Variants in SLC26A5 observed in about 807,000 individuals in gnomAD.
The protein encoded by SLC26A5 is solute carrier family 26 member 5.
In SLC26A5, 51 loss-of-function variants were observed where a neutral mutation model predicts 81.0. The observed-to-expected ratio is 0.63, with a 90% CI of 0.50 to 0.80. The LOEUF (loss-of-function observed/expected upper bound fraction) is 0.80, where lower values mean the gene tolerates loss of function less well. SLC26A5 is among the 30% of genes least tolerant of loss of function. SLC26A5 has a pLI of 0.00. For missense variants in SLC26A5, 771 were observed against 905.8 expected (o/e 0.85, Z 1.91); for synonymous variants, 325 against 332.8 (o/e 0.98, Z 0.25).
At chr7:103,356,823 T>C (rs112060525) in intron 19 of SLC26A5, among the ~76,000 whole-genome samples, 3 of 152,342 alleles carry the variant, frequency 2.0e-5, no homozygotes, top group African/African-American at 7.2e-5. Context: ...GTGTTAATGT[T>C]GCTTAGAAAA....
At chr7:103,444,545 TC>T (rs1359637428) in intron 1 of SLC26A5, among the ~76,000 whole-genome samples, 10 of 152,240 alleles carry the variant, frequency 6.6e-5, no homozygotes, top group African/African-American at 2.2e-4. Context: ...TCCTCAGTCT[TC>T]CATTCTTCTG....
chr7:103,407,979 C>T lies in SLC26A5; in HGVS notation c.760G>A (p.Val254Ile). 1 of 1,614,154 alleles carries T rather than the reference C, an allele frequency of 6.2e-7. No homozygotes were observed. Among genetic ancestry groups the T allele is most frequent in the Non-Finnish European group, 8.5e-7 (1 of 1,180,026 alleles). Residue 254 changes from valine (V) to isoleucine (I), a missense_variant, in exon 8 of 20, where the codon GTT becomes ATT. Physicochemically the swap from Val to Ile is conservative, Grantham distance 29. Coordinates refer to ENST00000306312, the MANE Select transcript of SLC26A5 (RefSeq NM_198999.3). ...VYSTVAVLQN[V>I]KNLNVCSLGV... Reference sequence around the variant, plus strand: ...AGGGAACACACGTTGAGGTTTTTAACATTCTGCAACACAGCAACTGTACTC... The same window carrying T: ...AGGGAACACACGTTGAGGTTTTTAATATTCTGCAACACAGCAACTGTACTC...
rs747395840 is a variant in SLC26A5, at chr7:103,378,566, G to C, written c.1678-13C>G. 1.2e-6 allele frequency: 2 copies of C among 1,610,890 alleles called. No homozygotes were observed. Among genetic ancestry groups the C allele is most frequent in the South Asian group, 2.2e-5 (2 of 91,026 alleles). On this transcript the variant is annotated splice_polypyrimidine_tract_variant and intron_variant, in intron 16 of 19. Coordinates refer to ENST00000306312, the MANE Select transcript of SLC26A5 (RefSeq NM_198999.3). ...GGTTCACTCCAGTCTTTACAGAAGA[G>C]CACCATATGCAAAATCACTTCATGG...
chr7:103,374,540 T>TA lies in SLC26A5; in HGVS notation c.2093dup (p.Trp699MetfsTer10). 6.2e-7 allele frequency: 1 copy of TA among 1,613,998 alleles called. No homozygotes were observed. The highest frequency in any genetic ancestry group is 8.5e-7 in the Non-Finnish European group (1 of 1,179,998). On this transcript the variant is annotated frameshift_variant, in exon 20 of 20. Transcript: ENST00000306312. LOFTEE classifies it high-confidence loss of function. ...GAATGCTGTGGAACAGCAGCTCCCA[T>TA]AGGGCAGGATTTTCAAAAAATCTAT...
In SLC26A5 at chr7:103,378,536, T is replaced by C; in HGVS notation, c.1695A>G (p.Ala565=). Residue 565 remains alanine (A), a synonymous_variant, in exon 17 of 20, where the codon GCA becomes GCG. Transcript: ENST00000306312. ...CCTTTCTCCTTGCTCCCATGATGAC[T>C]GCTGGGTTCACTCCAGTCTTTACAG... ...ALKRKTGVNP[A]VIMGARRKAM... 6.2e-7 allele frequency: 1 copy of C among 1,614,158 alleles called. No homozygotes were observed. Among genetic ancestry groups the C allele is most frequent in the South Asian group, 1.1e-5 (1 of 91,082 alleles).
rs530952295 is a variant in SLC26A5, at chr7:103,379,247, C to T, written c.1673G>A (p.Arg558Gln). The change falls in exon 16 of 20, where the codon CGA (arginine) becomes CAA (glutamine). Residue 558 changes from arginine to glutamine, a missense_variant. Physicochemically the swap from Arg to Gln is conservative, Grantham distance 43 (BLOSUM62 1). Coordinates refer to ENST00000306312, the MANE Select transcript of SLC26A5 (RefSeq NM_198999.3). ...AATCAATTTCTCATGACTCACCTTTCGTTTTAATGCATTGCTATACAAGTC... is the reference window on the plus strand; with the variant it reads ...AATCAATTTCTCATGACTCACCTTTTGTTTTAATGCATTGCTATACAAGTC... ...NSDLYSNALK[R>Q]KTGVNPAVIM... The T allele has an allele frequency of 1.9e-5, 31 of 1,604,832 alleles. No homozygotes were observed. The East Asian group carries it at 3.8e-4, about 20-fold the overall frequency.
At chr7:103,357,503 T>G (rs1820105272) in intron 19 of SLC26A5, among the ~76,000 whole-genome samples, 1 of 152,178 alleles carries the variant, frequency 6.6e-6, no homozygotes, top group South Asian at 2.1e-4. Flanking sequence ...TACTTCTTGA[T>G]TTTTTAGTTT....
At position 103,386,757 on chromosome 7, in the gene SLC26A5, A is replaced by AT. The variant is rs200115695; in HGVS notation, c.1514+2250dup. Among the ~76,000 whole-genome samples the AT allele has an allele frequency of 2.8e-4, 42 of 151,426 alleles. No homozygotes were observed. In the East Asian group the frequency reaches 5.6e-3, roughly 20 times the overall value. On this transcript the variant is annotated intron_variant, in intron 14 of 19. Coordinates refer to ENST00000306312, the MANE Select transcript of SLC26A5 (RefSeq NM_198999.3). Reference sequence around the variant, plus strand: ...TACTGTAGCTTGTTAAAAGTTATAGATTTTTTTTTCTTTTTCTTTTTTTTG... The same window carrying AT: ...TACTGTAGCTTGTTAAAAGTTATAGATTTTTTTTTTCTTTTTCTTTTTTTTG...
chr7:103,403,897 C>T (rs569769333), intron 8 of SLC26A5, among the ~76,000 whole-genome samples: 5 of 152,034 alleles, frequency 3.3e-5, no homozygotes, highest in Non-Finnish European at 5.9e-5. Flanking sequence ...TATTGTTATG[C>T]GTGGGCCAGG....
At chr7:103,432,953 C>T (rs1056573624) in intron 2 of SLC26A5, among the ~76,000 whole-genome samples, 1 of 152,066 alleles carries the variant, frequency 6.6e-6, no homozygotes, top group Non-Finnish European at 1.5e-5. Flanking sequence ...TAATTTTGAA[C>T]CTAATTTCTG....
At chr7:103,379,483 C>CAA (rs375313152) in intron 15 of SLC26A5, 148 bp from the exon 16 acceptor site, 923 of 296,790 alleles carry the variant, frequency 3.1e-3, no homozygotes, top group South Asian at 5.0e-3. Flanking sequence ...ACACACAGAC[C>CAA]AAAAAAAAAA....
At position 103,415,815 on chromosome 7, in the gene SLC26A5, T is replaced by C. The variant is rs1263750589; in HGVS notation, c.293-2703A>G. On this transcript the variant is annotated intron_variant, in intron 4 of 19. Coordinates refer to ENST00000306312, the MANE Select transcript of SLC26A5 (RefSeq NM_198999.3). The stretch of plus-strand genomic sequence containing the variant: ...TTATTCTGCTGGGTATTTAATGATT[T>C]CTCTCAGTCTGAAAACACATGTATT... 2.0e-5 allele frequency among the ~76,000 whole-genome samples: 3 copies of C among 152,200 alleles called. No homozygotes were observed. In the East Asian group the frequency reaches 5.8e-4, roughly 29 times the overall value.
At chr7:103,428,756 T>C (rs1288572481) in intron 2 of SLC26A5, among the ~76,000 whole-genome samples, 1 of 152,076 alleles carries the variant, frequency 6.6e-6, no homozygotes, top group Non-Finnish European at 1.5e-5. Context: ...TTACTAGAGA[T>C]GGGGTTTCAC....
At chr7:103,364,906 C>A (rs746722111) in intron 19 of SLC26A5, among the ~76,000 whole-genome samples, 18 of 147,728 alleles carry the variant, frequency 1.2e-4, no homozygotes, top group Non-Finnish European at 2.2e-4. Context: ...GCAGTGTTTT[C>A]AGTCCTAATG....
intron 9 of SLC26A5, among the ~76,000 whole-genome samples, chr7:103,397,674 G>A (rs1025112982): frequency 4.1e-5 from 6 of 147,218 alleles, no homozygotes; most frequent in African/African-American, 7.6e-5. Flanking sequence ...CAGAGAAGGC[G>A]CCACTGCACT....
chr7:103,374,156 C>A (rs898833565), downstream of SLC26A5: 2 of 1,281,360 alleles, frequency 1.6e-6, no homozygotes, highest in African/African-American at 1.5e-5. Context: ...AAAGATAATA[C>A]TAGAATGTAG....
intron 14 of SLC26A5, among the ~76,000 whole-genome samples, chr7:103,382,346 C>CTTTTTTTTTT (rs755840628): frequency 8.7e-6 from 1 of 114,348 alleles, no homozygotes; most frequent in African/African-American, 3.5e-5. Context: ...GCCCTATTTC[C>CTTTTTTTTTT]TTTTTTTTTT....
In SLC26A5 at chr7:103,367,197, G is replaced by A. The variant is rs912436374; in HGVS notation, c.2041+9611C>T. On this transcript the variant is annotated intron_variant, in intron 19 of 19. Coordinates refer to the SLC26A5 transcript ENST00000339444. The surrounding 1 kb of genome is among the most constrained non-coding windows in gnomAD (Gnocchi z 6.1). ...CTGCCCCATAGGCAGTTTAAAAAAC[G>A]TTAAGTAAATCTGTGATGAATACTT... Among the ~76,000 whole-genome samples, 3 of 152,124 alleles carry A rather than the reference G, an allele frequency of 2.0e-5. No individual in the cohort carries two copies. Among genetic ancestry groups the A allele is most frequent in the African/African-American group, 7.2e-5 (3 of 41,416 alleles).
chr7:103,405,240 T>G (rs923599050), intron 8 of SLC26A5, among the ~76,000 whole-genome samples: 1 of 152,214 alleles, frequency 6.6e-6, no homozygotes, highest in Non-Finnish European at 1.5e-5. Context: ...TGAAGAGTTG[T>G]GATCCTTTGA....
Sources: allele counts gnomAD v4.1 joint callset (sites outside exome capture counted in the v4.1 genomes callset), GRCh38; gene constraint gnomAD v4.1.1; non-coding constraint Gnocchi (gnomAD v3.1); transcripts MANE v1.5; gene names NCBI Gene and HGNC (gene_info 2026-07-23, HGNC 2026-07-21).